GLIS3: variants seen among roughly 807,000 people sequenced by gnomAD.
GLIS3 encodes zinc finger protein GLIS3.
Under a neutral mutation model 78.6 loss-of-function variants are expected in GLIS3, and 53 were observed. The observed-to-expected ratio is 0.67, with a 90% CI of 0.54 to 0.85. The LOEUF (loss-of-function observed/expected upper bound fraction) is 0.85. Among genes scored for constraint, GLIS3 ranks in the 40% least tolerant of loss-of-function variants. The probability of loss-of-function intolerance (pLI) is 0.00; values close to 1 mark genes in which losing one functional copy is unlikely to be tolerated. For synonymous variants in GLIS3, 684 were observed against 509.9 expected (o/e 1.34, Z -4.60); for missense variants, 1,703 against 1,231.1 (o/e 1.38, Z -5.74).
chr9:4,293,932 T>A (rs188844764), intron 1 of GLIS3, among the ~76,000 whole-genome samples: 7 of 152,356 alleles, frequency 4.6e-5, no homozygotes, highest in Non-Finnish European at 1.5e-5. Flanking sequence ...CCTCAGCTAC[T>A]GAGAACCTCA....
intron 2 of GLIS3, among the ~76,000 whole-genome samples, chr9:4,215,826 G>A (rs1419533332): frequency 6.6e-6 from 1 of 152,080 alleles, no homozygotes; most frequent in Non-Finnish European, 1.5e-5. Context: ...ATACTTGGTT[G>A]GTGTTTGCCT....
chr9:4,043,366 G>A (rs542188490), intron 4 of GLIS3, among the ~76,000 whole-genome samples: 3 of 152,190 alleles, frequency 2.0e-5, no homozygotes, highest in East Asian at 3.9e-4. Context: ...AGTTTTTTAT[G>A]TATTTTCTAA....
At chr9:4,021,990 G>A (rs1385292353) in intron 4 of GLIS3, among the ~76,000 whole-genome samples, 1 of 152,186 alleles carries the variant, frequency 6.6e-6, no homozygotes, top group Non-Finnish European at 1.5e-5. Context: ...TAGTGTGTTT[G>A]TTTGTTTTTA....
intron 2 of GLIS3, among the ~76,000 whole-genome samples, chr9:4,154,842 T>C (rs1834934987): frequency 6.6e-6 from 1 of 152,208 alleles, no homozygotes; most frequent in Non-Finnish European, 1.5e-5. Flanking sequence ...ACCATCATTT[T>C]TAAAGATATT....
chr9:4,069,117 G>C (rs757107268), intron 4 of GLIS3, among the ~76,000 whole-genome samples: 8 of 152,122 alleles, frequency 5.3e-5, no homozygotes, highest in Non-Finnish European at 1.2e-4. Context: ...TGAGGGCCTT[G>C]GATAAGGCTC....
At chr9:4,395,578 G>A in the GLIS3 span, among the ~76,000 whole-genome samples, 9 of 151,944 alleles carry the variant, frequency 5.9e-5, no homozygotes, top group South Asian at 2.1e-4. Flanking sequence ...CCTCTCCTTC[G>A]TCCCTGGCCT....
chr9:4,200,731 G>A (rs1215875559), intron 2 of GLIS3, among the ~76,000 whole-genome samples: 2 of 152,046 alleles, frequency 1.3e-5, no homozygotes, highest in African/African-American at 4.8e-5. Flanking sequence ...GGACTCACAG[G>A]ACTCACGGCC....
At chr9:4,244,368 C>T (rs1202061813) in intron 2 of GLIS3, among the ~76,000 whole-genome samples, 1 of 152,140 alleles carries the variant, frequency 6.6e-6, no homozygotes, top group Admixed American at 6.5e-5. Context: ...TGTTCCCAAA[C>T]CTGTTAATGT....
intron 6 of GLIS3, among the ~76,000 whole-genome samples, chr9:3,912,646 C>T (rs1426701349): frequency 6.6e-6 from 1 of 152,144 alleles, no homozygotes; most frequent in Non-Finnish European, 1.5e-5. Context: ...CTAAAACTGA[C>T]ATTGAGAATC....
chr9:4,161,228 G>A (rs905322354), intron 2 of GLIS3, among the ~76,000 whole-genome samples: 1 of 152,040 alleles, frequency 6.6e-6, no homozygotes, highest in African/African-American at 2.4e-5. Flanking sequence ...AGCCATGATC[G>A]TGCTACTGCA....
intron 4 of GLIS3, among the ~76,000 whole-genome samples, chr9:4,056,891 C>T (rs1588559461): frequency 7.7e-6 from 1 of 129,366 alleles, no homozygotes; most frequent in Non-Finnish European, 1.6e-5. Context: ...TGCTCCTCTT[C>T]AAGACACTTT....
At chr9:3,998,113 A>G (rs912961638) in intron 4 of GLIS3, among the ~76,000 whole-genome samples, 6 of 152,162 alleles carry the variant, frequency 3.9e-5, no homozygotes, top group Non-Finnish European at 8.8e-5. Flanking sequence ...CATCTCTATG[A>G]CATGATTCCC....
chr9:3,844,273 T>A (rs770893127), intron 9 of GLIS3, among the ~76,000 whole-genome samples: 1 of 152,210 alleles, frequency 6.6e-6, no homozygotes, highest in Non-Finnish European at 1.5e-5. Context: ...ATTTTTTTCT[T>A]CTTCTAAACC....
intron 2 of GLIS3, among the ~76,000 whole-genome samples, chr9:4,284,516 C>T (rs978242615): frequency 1.2e-4 from 18 of 152,098 alleles, no homozygotes; most frequent in Non-Finnish European, 5.9e-5. Flanking sequence ...GATGTAGCCC[C>T]AGGGAAACTT....
chr9:4,194,220 G>T (rs764923769), intron 2 of GLIS3, among the ~76,000 whole-genome samples: 7 of 151,934 alleles, frequency 4.6e-5, no homozygotes, highest in Non-Finnish European at 8.8e-5. Flanking sequence ...GCCACGCCCA[G>T]CTAATTTCTT....
intron 2 of GLIS3, among the ~76,000 whole-genome samples, chr9:4,314,305 C>T (rs1392642529): frequency 6.6e-6 from 1 of 152,206 alleles, no homozygotes; most frequent in East Asian, 1.9e-4. Flanking sequence ...CAGTCCAGTG[C>T]TCTTTCTCCC....
intron 4 of GLIS3, among the ~76,000 whole-genome samples, chr9:3,965,511 T>C (rs1473906953): frequency 1.3e-5 from 2 of 152,142 alleles, no homozygotes; most frequent in Non-Finnish European, 2.9e-5. Context: ...CCTAATTCTA[T>C]CACTCTAATC....
At chr9:3,883,859 C>T (rs751011281) in intron 7 of GLIS3, among the ~76,000 whole-genome samples, 1 of 152,160 alleles carries the variant, frequency 6.6e-6, no homozygotes, top group Admixed American at 6.5e-5. Context: ...TGGTAGTCTC[C>T]CTGAGGAAAT....
At chr9:4,299,301 G>A (rs1379464040) in intron 1 of GLIS3, 120 bp downstream of exon 1, 1 of 152,172 alleles carries the variant, frequency 6.6e-6, no homozygotes, top group Non-Finnish European at 1.5e-5. Context: ...CCGGCTCAGC[G>A]TAGAAAACTA....
Sources: gnomAD v4.1 joint callset for allele counts (sites outside exome capture counted in the v4.1 genomes callset) on GRCh38, gnomAD v4.1.1 for gene constraint, MANE v1.5 for transcripts, NCBI Gene and HGNC (gene_info 2026-07-23, HGNC 2026-07-21) for gene names.